TBC1D22A: variants seen among roughly 807,000 people sequenced by gnomAD.
TBC1D22A encodes the protein putative GTPase activator.
In TBC1D22A, 38 loss-of-function variants were observed where a neutral mutation model predicts 60.2. The ratio of observed to expected loss-of-function variants is 0.63; its 90% CI spans 0.49 to 0.83. TBC1D22A has a LOEUF of 0.83. Ranked by LOEUF, TBC1D22A falls within the 40% of genes least tolerant of loss-of-function variation. TBC1D22A has a pLI of 0.00. For missense variants in TBC1D22A, 628 were observed against 701.0 expected, an observed-to-expected ratio of 0.90 and a Z score of 1.18; for synonymous variants, 302 against 281.7, an observed-to-expected ratio of 1.07 and a Z score of -0.72.
At position 46,940,040 on chromosome 22, in the gene TBC1D22A, C is replaced by A. The variant is rs554777108; in HGVS notation, c.1015+27852C>A. Reference sequence around the variant, plus strand: ...CCAGACAACTGCAAGAAAGGGAGTACTGCGAGAAAGTCACACAAATTTTTT... The same window carrying A: ...CCAGACAACTGCAAGAAAGGGAGTAATGCGAGAAAGTCACACAAATTTTTT... On this transcript the variant is annotated intron_variant, in intron 8 of 12. Transcript: ENST00000337137. 2.0e-5 allele frequency among the ~76,000 whole-genome samples: 3 copies of A among 152,316 alleles called. No homozygotes were observed. In the South Asian group the frequency reaches 6.2e-4, roughly 32 times the overall value.
chr22:47,135,388 C>G (rs1024498488), intron 12 of TBC1D22A, among the ~76,000 whole-genome samples: 1 of 152,222 alleles, frequency 6.6e-6, no homozygotes, highest in South Asian at 2.1e-4. Flanking sequence ...GGCATTGTGG[C>G]CTGGCAGGGA....
chr22:46,910,693 G>A (rs1431629645), intron 7 of TBC1D22A, among the ~76,000 whole-genome samples: 1 of 152,136 alleles, frequency 6.6e-6, no homozygotes, highest in African/African-American at 2.4e-5. Context: ...TCCAAAAAGA[G>A]AGTGGGGAGG....
chr22:46,971,216 C>T (rs6009078), intron 8 of TBC1D22A, among the ~76,000 whole-genome samples: 10,555 of 152,262 alleles, frequency 0.069, 1,124 homozygotes, highest in African/African-American at 0.24. Flanking sequence ...GATAAAATAA[C>T]AAGCCAGCTA....
chr22:46,805,360 G>A (rs1428295410), intron 4 of TBC1D22A, among the ~76,000 whole-genome samples: 4 of 152,210 alleles, frequency 2.6e-5, no homozygotes, highest in African/African-American at 9.6e-5. Context: ...TTTGCTGTAG[G>A]TAACAGAAAA....
Position 47,063,328 on chromosome 22 carries a change from C to T in TBC1D22A, c.1329+26130C>T, listed in dbSNP as rs138590583. On this transcript the variant is annotated intron_variant, in intron 11 of 12. Coordinates refer to ENST00000337137, the MANE Select transcript of TBC1D22A (RefSeq NM_014346.5). ...GTCACTAAGGGCCACCCAGCAGGAG[C>T]GGTCTGAGGGTAGGTGAAGAGGTTC... 4.4e-4 allele frequency among the ~76,000 whole-genome samples: 67 copies of T among 152,218 alleles called. 1 individual carries two copies. The East Asian group carries it at 8.1e-3, about 18-fold the overall frequency.
chr22:47,115,677 T>A (rs2089377391), intron 12 of TBC1D22A, among the ~76,000 whole-genome samples: 1 of 152,140 alleles, frequency 6.6e-6, no homozygotes, highest in Non-Finnish European at 1.5e-5. Flanking sequence ...CGCTGTCCCC[T>A]CTGTTAGGAA....
rs5769274 is a variant in TBC1D22A at position 46,939,312 on chromosome 22, T to G, written c.1015+27124T>G. Among the ~76,000 whole-genome samples, 104 of 152,308 alleles carry G rather than the reference T, an allele frequency of 6.8e-4. No individual in the cohort carries two copies. In the East Asian group the frequency reaches 0.016, roughly 23 times the overall value. On this transcript the variant is annotated intron_variant, in intron 8 of 12. Transcript: ENST00000337137. ...CACCTTCAGTGGAAGATAGCTTAGA[T>G]GAATTTTCTTAAAATCAAGCATCAA...
At chr22:47,096,454 A>G (rs2065175826) in intron 11 of TBC1D22A, among the ~76,000 whole-genome samples, 1 of 152,210 alleles carries the variant, frequency 6.6e-6, no homozygotes, top group Non-Finnish European at 1.5e-5. Context: ...TGATTGAGAA[A>G]TCTTAATTAT....
intron 1 of TBC1D22A, among the ~76,000 whole-genome samples, chr22:46,787,621 A>G (rs2084216389): frequency 6.6e-6 from 1 of 152,274 alleles, no homozygotes; most frequent in Non-Finnish European, 1.5e-5. Flanking sequence ...GTACATATGT[A>G]TGAAATGATA....
chr22:47,089,262 G>A (rs145346108), intron 11 of TBC1D22A, among the ~76,000 whole-genome samples: 226 of 152,334 alleles, frequency 1.5e-3, no homozygotes, highest in African/African-American at 5.1e-3. Context: ...GTGATTATGT[G>A]TCTAAGTTGT....
intron 12 of TBC1D22A, among the ~76,000 whole-genome samples, chr22:47,168,793 G>A (rs370210997): frequency 2.7e-4 from 41 of 150,300 alleles, no homozygotes; most frequent in East Asian, 9.9e-4. Flanking sequence ...TGTCCTCCAC[G>A]GATGGCACTA....
intron 10 of TBC1D22A, among the ~76,000 whole-genome samples, chr22:47,031,677 C>T (rs1213748008): frequency 6.6e-6 from 1 of 152,162 alleles, no homozygotes. Flanking sequence ...CATCTTGGCT[C>T]GCCTGCCTCC....
intron 1 of TBC1D22A, among the ~76,000 whole-genome samples, chr22:46,787,707 A>C (rs569894943): frequency 2.0e-5 from 3 of 152,322 alleles, no homozygotes; most frequent in Admixed American, 6.5e-5. Flanking sequence ...ATAATAGTAT[A>C]AACTCTTACA....
intron 8 of TBC1D22A, among the ~76,000 whole-genome samples, chr22:46,920,977 G>C (rs910143087): frequency 6.6e-6 from 1 of 151,864 alleles, no homozygotes; most frequent in Admixed American, 6.6e-5. Context: ...TACCATGTTG[G>C]CCAGGCTGGT....
At chr22:46,962,721 C>CA (rs1450298238) in intron 8 of TBC1D22A, among the ~76,000 whole-genome samples, 5 of 152,212 alleles carry the variant, frequency 3.3e-5, no homozygotes, top group African/African-American at 4.8e-5. Context: ...ATCCCTGTTA[C>CA]AAACGTCAGA....
intron 8 of TBC1D22A, among the ~76,000 whole-genome samples, chr22:46,962,343 G>T (rs925143974): frequency 2.6e-5 from 4 of 151,346 alleles, no homozygotes; most frequent in Non-Finnish European, 5.9e-5. Flanking sequence ...AGTGAGCAGA[G>T]CTGAAAAGAA....
intron 10 of TBC1D22A, among the ~76,000 whole-genome samples, chr22:47,014,612 G>T (rs2061852047): frequency 6.6e-6 from 1 of 152,256 alleles, no homozygotes; most frequent in Admixed American, 6.5e-5. Flanking sequence ...ACGGCAGCTT[G>T]TTAGGTCCGA....
chr22:46,925,021 A>G (rs952240824), intron 8 of TBC1D22A, among the ~76,000 whole-genome samples: 4 of 152,196 alleles, frequency 2.6e-5, no homozygotes, highest in African/African-American at 9.7e-5. Flanking sequence ...TTATCGGAGT[A>G]TTGATAGAGC....
chr22:46,850,374 C>A (rs929615422), intron 4 of TBC1D22A, among the ~76,000 whole-genome samples: 2 of 152,086 alleles, frequency 1.3e-5, no homozygotes, highest in Admixed American at 1.3e-4. Context: ...TTCACACTTG[C>A]AAATGTGGTA....
Sources: allele counts gnomAD v4.1 joint callset (sites outside exome capture counted in the v4.1 genomes callset), GRCh38; gene constraint gnomAD v4.1.1; transcripts MANE v1.5; gene names NCBI Gene and HGNC (gene_info 2026-07-23, HGNC 2026-07-21).